The following BICD2 variants were observed in gnomAD, a reference collection of about 807,000 sequenced individuals.
The protein encoded by BICD2 is BICD cargo adaptor 2.
In BICD2, 25 loss-of-function variants were observed where a neutral mutation model predicts 72.9. The ratio of observed to expected loss-of-function variants is 0.34; its 90% CI spans 0.25 to 0.48. The LOEUF (loss-of-function observed/expected upper bound fraction) is 0.48. Ranked by LOEUF, BICD2 falls within the 20% of genes least tolerant of loss-of-function variation. The pLI, the probability that BICD2 is intolerant of heterozygous loss-of-function variation, is 0.99. For missense variants in BICD2, 894 were observed against 1,175.2 expected (o/e 0.76, Z 3.50); for synonymous variants, 501 against 516.1 (o/e 0.97, Z 0.40).
intron 1 of BICD2, among the ~76,000 whole-genome samples, chr9:92,738,524 C>T (rs1398165359): frequency 6.6e-6 from 1 of 152,272 alleles, no homozygotes; most frequent in Admixed American, 6.5e-5. Context: ...TCCCTCCCCA[C>T]TCTCAAGAGA....
intron 1 of BICD2, among the ~76,000 whole-genome samples, chr9:92,751,489 G>A (rs562421916): frequency 6.6e-6 from 1 of 152,222 alleles, no homozygotes; most frequent in South Asian, 2.1e-4. Context: ...TAAGACTAAA[G>A]GCAAAAGAAT....
In BICD2 at chr9:92,764,042, C is replaced by A. The variant is rs1346877742; in HGVS notation, c.240+463G>T. Among the ~76,000 whole-genome samples, 1 of 152,224 alleles carries A rather than the reference C, an allele frequency of 6.6e-6. No homozygotes were observed. The highest frequency in any genetic ancestry group is 2.4e-5 in the African/African-American group (1 of 41,456). ...TGCGCCCAGAGAGGGGAAGTGCTTT[C>A]TCTGAAGGTGACAGAGCCGCAGCCA... On this transcript the variant is annotated intron_variant, in intron 1 of 6. Coordinates refer to ENST00000356884, the MANE Select transcript of BICD2 (RefSeq NM_001003800.2). This position sits in a 1 kb window ranked among gnomAD's most constrained non-coding sequence, Gnocchi z 5.5.
chr9:92,717,749 G>C (rs779967012), intron 6 of BICD2, 48 bp downstream of exon 6: 2 of 1,551,320 alleles, frequency 1.3e-6, no homozygotes, highest in African/African-American at 1.4e-5. Context: ...CAAGTGCTGA[G>C]GACAGCTGGC....
Position 92,718,074 on chromosome 9 carries a change from G to A in BICD2, c.2107-126C>T, listed in dbSNP as rs1203962742. 3.3e-6 allele frequency: 4 copies of A among 1,223,456 alleles called. No individual in the cohort carries two copies. The Admixed American group carries it at 9.1e-5, about 28-fold the overall frequency. The allele number at this position is 1,223,456 out of a possible 1,614,324, so 75.8% of individuals were successfully genotyped here. On this transcript the variant is annotated intron_variant, in intron 5 of 6. Coordinates refer to ENST00000356884, the MANE Select transcript of BICD2 (RefSeq NM_001003800.2). ...TGCCTGGGAAGAAAGCTCCTGGGAG[G>A]CCCCTCCCTGTGACAAACCCTGGGG...
rs1853267568 is a variant in BICD2 at position 92,714,777 on chromosome 9, C to A, written c.*377G>T. 5 of 1,030,542 alleles carry A rather than the reference C, an allele frequency of 4.9e-6. No homozygotes were observed. The South Asian group carries it at 2.2e-4, about 44-fold the overall frequency. The allele number at this position is 1,030,542 out of a possible 1,614,324, so 63.8% of individuals were successfully genotyped here. The stretch of plus-strand genomic sequence containing the variant: ...CATGCGAGGAACATGCAAGTCTCAA[C>A]TCAGGTTCTGCCCCTTTTGGGTGCT... On this transcript the variant is annotated 3_prime_UTR_variant, in exon 7 of 7. Transcript: ENST00000356884.
rs2131493035 is a variant in BICD2 at position 92,712,804 on chromosome 9, G to A, written c.*2350C>T. Reference sequence around the variant, plus strand: ...AAAACCCCAGAATCTGAATACCCTGGATTTCTTAATGAACATGGCATTTAA... The same window carrying A: ...AAAACCCCAGAATCTGAATACCCTGAATTTCTTAATGAACATGGCATTTAA... On this transcript the variant is annotated 3_prime_UTR_variant, in exon 7 of 7. Coordinates refer to ENST00000356884, the MANE Select transcript of BICD2 (RefSeq NM_001003800.2). 1 of 152,408 alleles carries A rather than the reference G, an allele frequency of 6.6e-6. No homozygotes were observed. The allele number at this position is 152,408 out of a possible 1,614,324, so 9.4% of individuals were successfully genotyped here.
intron 2 of BICD2, among the ~76,000 whole-genome samples, chr9:92,725,054 G>C (rs1377739703): frequency 2.0e-5 from 3 of 152,224 alleles, no homozygotes. Context: ...GCAGTGGGAA[G>C]TGAGAGCCCA....
intron 1 of BICD2, among the ~76,000 whole-genome samples, chr9:92,756,318 G>C (rs1477812510): frequency 6.6e-6 from 1 of 151,466 alleles, no homozygotes; most frequent in East Asian, 2.0e-4. Flanking sequence ...CTGGAGTGCA[G>C]TGGCACGATC....
At position 92,711,386 on chromosome 9, in the gene BICD2, T is replaced by C. The variant is rs1564056154; in HGVS notation, c.*3768A>G. 6.6e-6 allele frequency: 1 copy of C among 152,644 alleles called. No homozygotes were observed. The highest frequency in any genetic ancestry group is 1.5e-5 in the Non-Finnish European group (1 of 68,034). 9.5% of individuals were successfully genotyped at this position (152,644 alleles called of 1,614,324 possible). ...CATGTGCTTTGTCTTTTTATTATTC[T>C]TTATTGGTCCTACCAATGTGACTCT... On this transcript the variant is annotated 3_prime_UTR_variant, in exon 7 of 7. Transcript: ENST00000356884.
chr9:92,731,625 T>C (rs568880709), intron 1 of BICD2, among the ~76,000 whole-genome samples: 7 of 150,504 alleles, frequency 4.7e-5, no homozygotes, highest in South Asian at 4.2e-4. Context: ...TTCCCAGCCA[T>C]GGAAAAATGG....
chr9:92,715,446 G>A lies in BICD2; in HGVS notation c.2276C>T (p.Thr759Ile), dbSNP rs1853288783. Reference protein sequence around the residue: ...MFATRCDEYITQLDEMQRQLA... With the variant: ...MFATRCDEYIIQLDEMQRQLA... ...CTGCCGCTGCATCTCATCCAGCTGT[G>A]TAATGTACTCGTCACACCTGTGGGT... Residue 759 changes from threonine (T) to isoleucine (I), a missense_variant, in exon 7 of 7, where the codon ACA becomes ATA. Thr to Ile is a moderately conservative substitution (Grantham distance 89). Coordinates refer to ENST00000356884, the MANE Select transcript of BICD2 (RefSeq NM_001003800.2). The A allele has an allele frequency of 6.3e-7, 1 of 1,596,314 alleles. No individual in the cohort carries two copies. The highest frequency in any genetic ancestry group is 1.7e-5 in the Admixed American group (1 of 59,420).
intron 1 of BICD2, among the ~76,000 whole-genome samples, chr9:92,735,039 G>A (rs527398242): frequency 2.6e-5 from 4 of 152,340 alleles, no homozygotes; most frequent in South Asian, 4.1e-4. Context: ...GGCTATGGGC[G>A]AACACTGTGC....
At position 92,720,840 on chromosome 9, in the gene BICD2, A is replaced by C; in HGVS notation, c.607-85T>G. 1 of 1,380,816 alleles carries C rather than the reference A, an allele frequency of 7.2e-7. No individual in the cohort carries two copies. Among genetic ancestry groups the C allele is most frequent in the Non-Finnish European group, 9.8e-7 (1 of 1,020,036 alleles). 85.5% of individuals were successfully genotyped at this position (1,380,816 alleles called of 1,614,324 possible). ...ATAAATGAAGAAAACACACCAGCAC[A>C]CCAACTCCGGCCACTATGAAGCAAA... On this transcript the variant is annotated intron_variant, in intron 3 of 6. Transcript: ENST00000356884. The surrounding 1 kb of genome is among the most constrained non-coding windows in gnomAD (Gnocchi z 5.4).
chr9:92,751,127 T>C (rs1854139226), intron 1 of BICD2, among the ~76,000 whole-genome samples: 1 of 129,382 alleles, frequency 7.7e-6, no homozygotes, highest in South Asian at 3.1e-4. Context: ...GCCAGGGTGG[T>C]TGGTTTTTTG....
intron 1 of BICD2, among the ~76,000 whole-genome samples, chr9:92,761,574 T>C (rs868694281): frequency 1.3e-5 from 2 of 152,222 alleles, no homozygotes; most frequent in African/African-American, 2.4e-5. Flanking sequence ...GAGGACCACA[T>C]GGGCACCTAG....
intron 1 of BICD2, among the ~76,000 whole-genome samples, chr9:92,738,079 G>A (rs927920866): frequency 1.3e-5 from 2 of 152,234 alleles, no homozygotes; most frequent in South Asian, 4.1e-4. Context: ...CAACGGGTAT[G>A]TGCACACCTG....
chr9:92,713,202 A>C lies in BICD2; in HGVS notation c.*1952T>G, dbSNP rs1256237479. On this transcript the variant is annotated 3_prime_UTR_variant, in exon 7 of 7. Transcript: ENST00000356884. Reference sequence around the variant, plus strand: ...TGGGCTCCTGGCGAGCCTGGCAGCCAGGGAAGAAGGGTCTTCGGCCCATAC... The same window carrying C: ...TGGGCTCCTGGCGAGCCTGGCAGCCCGGGAAGAAGGGTCTTCGGCCCATAC... The C allele has an allele frequency of 8.4e-6, 4 of 475,662 alleles. No homozygotes were observed. The Admixed American group carries it at 1.4e-4, about 17-fold the overall frequency. The allele number at this position is 475,662 out of a possible 1,614,324, so 29.5% of individuals were successfully genotyped here.
chr9:92,721,763 C>T (rs1300555747), intron 3 of BICD2, among the ~76,000 whole-genome samples: 2 of 152,210 alleles, frequency 1.3e-5, no homozygotes, highest in Admixed American at 6.5e-5. Flanking sequence ...CCTCAGTTTC[C>T]CTTCTCCTAA....
chr9:92,712,227 A>T lies in BICD2; in HGVS notation c.*2927T>A, dbSNP rs978192299. 6.6e-6 allele frequency: 1 copy of T among 152,618 alleles called. No individual in the cohort carries two copies. The highest frequency in any genetic ancestry group is 2.4e-5 in the African/African-American group (1 of 41,442). The allele number at this position is 152,618 out of a possible 1,614,324, so 9.5% of individuals were successfully genotyped here. Reference sequence around the variant, plus strand: ...GTTTTGTGTTTGCTTTCATTTTCTAAGCCCCTGAATTTGCAAGTAAAGAAT... The same window carrying T: ...GTTTTGTGTTTGCTTTCATTTTCTATGCCCCTGAATTTGCAAGTAAAGAAT... On this transcript the variant is annotated 3_prime_UTR_variant, in exon 7 of 7. Transcript: ENST00000356884.
Sources: gnomAD v4.1 joint callset for allele counts (sites outside exome capture counted in the v4.1 genomes callset) on GRCh38, gnomAD v4.1.1 for gene constraint, Gnocchi (gnomAD v3.1) non-coding constraint, MANE v1.5 for transcripts, NCBI Gene and HGNC (gene_info 2026-07-23, HGNC 2026-07-21) for gene names.